The following RAB25 variants were observed in gnomAD, a reference collection of about 807,000 sequenced individuals.
RAB25 encodes the protein ras-related protein Rab-25.
A neutral mutation model predicts 25.2 loss-of-function variants in RAB25; 23 were observed. That is an observed-to-expected ratio of 0.91 (90% CI 0.66 to 1.29). The LOEUF (loss-of-function observed/expected upper bound fraction) is 1.29. Ranked by LOEUF, RAB25 falls within the 50% of genes most tolerant of loss-of-function variation. The pLI is 0.00. For synonymous variants in RAB25, 102 were observed against 111.5 expected (o/e 0.91, Z 0.54); for missense variants, 244 against 277.3 (o/e 0.88, Z 0.85).
chr1:156,061,511 A>G (rs1647580253), intron 1 of RAB25, 68 bp downstream of exon 1: 4 of 1,520,358 alleles, frequency 2.6e-6, no homozygotes, highest in Non-Finnish European at 3.6e-6. Flanking sequence ...AGAGCCAGAG[A>G]GGGCCCCCTC....
chr1:156,068,473 TGCC>T lies in RAB25; in HGVS notation c.433+11_433+13del. The T allele has an allele frequency of 6.2e-7, 1 of 1,609,344 alleles. No homozygotes were observed. The highest frequency in any genetic ancestry group is 1.1e-5 in the South Asian group (1 of 90,888). The stretch of plus-strand genomic sequence containing the variant: ...GCCCGAATGTTCGCTGGTGAGAGCC[TGCC>T]ACTACCCAGGCTGACTCCTCCAAGC... On this transcript the variant is annotated intron_variant, in intron 3 of 4. Transcript: ENST00000361084.
At chr1:156,068,493 C>G in intron 3 of RAB25, 30 bp downstream of exon 3, 1 of 1,600,652 alleles carries the variant, frequency 6.2e-7, no homozygotes, top group Non-Finnish European at 8.5e-7. Flanking sequence ...CAGGCTGACT[C>G]CTCCAAGCTT....
At chr1:156,067,885 T>A (rs557970972) in intron 2 of RAB25, among the ~76,000 whole-genome samples, 4 of 152,306 alleles carry the variant, frequency 2.6e-5, no homozygotes, top group African/African-American at 9.6e-5. Context: ...TCCGAGTAGC[T>A]GGGATTACAA....
Position 156,068,469 on chromosome 1 carries a change from A to G in RAB25, c.433+6A>G. The G allele has an allele frequency of 6.2e-7, 1 of 1,609,746 alleles. No homozygotes were observed. The highest frequency in any genetic ancestry group is 8.5e-7 in the Non-Finnish European group (1 of 1,177,856). ...GGAGGCCCGAATGTTCGCTGGTGAG[A>G]GCCTGCCACTACCCAGGCTGACTCC... On this transcript the variant is annotated splice_donor_region_variant and intron_variant, in intron 3 of 4. Transcript: ENST00000361084.
chr1:156,064,693 G>A (rs566451785), intron 1 of RAB25, among the ~76,000 whole-genome samples: 1 of 152,326 alleles, frequency 6.6e-6, no homozygotes, highest in African/African-American at 2.4e-5. Context: ...GGGATTACAG[G>A]CGTGAACCTC....
intron 4 of RAB25, 145 bp downstream of exon 4, chr1:156,069,896 C>A (rs1647857486): frequency 1.1e-6 from 1 of 877,396 alleles, no homozygotes; most frequent in East Asian, 2.4e-5. Context: ...CCCCCTCAGT[C>A]CCTCCCCAGT....
At chr1:156,062,819 C>A in intron 1 of RAB25, among the ~76,000 whole-genome samples, 1 of 151,878 alleles carries the variant, frequency 6.6e-6, no homozygotes, top group Admixed American at 6.6e-5. Context: ...TTTGGGAGGC[C>A]GAGGCGGCGG....
At chr1:156,068,245 G>A (rs1240327644) in intron 2 of RAB25, 25 bp from the exon 3 acceptor site, 2 of 1,584,452 alleles carry the variant, frequency 1.3e-6, no homozygotes, top group African/African-American at 1.3e-5. Flanking sequence ...TCGTATCTCT[G>A]TCCATCCTTC....
Position 156,068,425 on chromosome 1 carries a change from C to A in RAB25, c.395C>A (p.Ala132Asp), listed in dbSNP as rs1647812077. ...GGTAACAAAAGTGACCTCAGCCAGG[C>A]CCGGGAAGTGCCCACTGAGGAGGCC... ...LVGNKSDLSQ[A>D]REVPTEEARM... Residue 132 changes from alanine (A) to aspartate (D), a missense_variant, in exon 3 of 5, where the codon GCC (alanine) becomes GAC (aspartate). Transcript: ENST00000361084. The A allele has an allele frequency of 6.2e-7, 1 of 1,613,786 alleles. No homozygotes were observed. The highest frequency in any genetic ancestry group is 1.1e-5 in the South Asian group (1 of 91,082).
At chr1:156,066,707 G>A (rs1444877076) in intron 2 of RAB25, among the ~76,000 whole-genome samples, 2 of 152,186 alleles carry the variant, frequency 1.3e-5, no homozygotes, top group African/African-American at 2.4e-5. Flanking sequence ...GGGAGGCCAA[G>A]GTGGGTGGAT....
At chr1:156,068,835 T>C (rs950628699) in intron 3 of RAB25, among the ~76,000 whole-genome samples, 8 of 151,256 alleles carry the variant, frequency 5.3e-5, no homozygotes, top group Non-Finnish European at 1.0e-4. Flanking sequence ...ACTACAGGTG[T>C]GCGCCACCAT....
chr1:156,070,258 G>C lies in RAB25; in HGVS notation c.613G>C (p.Glu205Gln). The part of the protein sequence containing the change: ...AQAGQEPGPG[E>Q]KRACCISL The stretch of plus-strand genomic sequence containing the variant: ...GGCTGGACAGGAGCCTGGCCCTGGG[G>C]AGAAGAGGGCCTGTTGCATCAGCCT... Residue 205 changes from glutamate (E) to glutamine (Q), a missense_variant, in exon 5 of 5, where the codon GAG becomes CAG. Coordinates refer to ENST00000361084, the MANE Select transcript of RAB25 (RefSeq NM_020387.4). The C allele has an allele frequency of 6.2e-7, 1 of 1,614,004 alleles. No homozygotes were observed. Among genetic ancestry groups the C allele is most frequent in the Middle Eastern group, 1.7e-4 (1 of 6,060 alleles).
intron 4 of RAB25, 21 bp from the exon 5 acceptor site, chr1:156,070,139 C>T (rs1647864565): frequency 1.2e-6 from 2 of 1,613,942 alleles, no homozygotes; most frequent in Non-Finnish European, 8.5e-7. Flanking sequence ...CTGGCCTGAT[C>T]ACTGCCCTCT....
chr1:156,067,991 G>A (rs762404463), intron 2 of RAB25, among the ~76,000 whole-genome samples: 1 of 152,170 alleles, frequency 6.6e-6, no homozygotes, highest in Non-Finnish European at 1.5e-5. Flanking sequence ...CACCTCAGGT[G>A]ATCCACCCGC....
intron 2 of RAB25, 56 bp downstream of exon 2, chr1:156,066,162 A>C: frequency 7.6e-7 from 1 of 1,318,868 alleles, no homozygotes; most frequent in Non-Finnish European, 9.9e-7. Context: ...AAGTCGAGGA[A>C]CACTTCTGGA....
intron 3 of RAB25, among the ~76,000 whole-genome samples, chr1:156,069,112 C>T (rs552976317): frequency 6.6e-6 from 1 of 152,222 alleles, no homozygotes; most frequent in East Asian, 1.9e-4. Context: ...GTTCTGGAGT[C>T]CCATGGCCCA....
At chr1:156,062,285 T>A (rs1319121191) in intron 1 of RAB25, among the ~76,000 whole-genome samples, 2 of 152,214 alleles carry the variant, frequency 1.3e-5, no homozygotes, top group African/African-American at 4.8e-5. Flanking sequence ...TGTAGCCTCG[T>A]CTGCCTGGCC....
chr1:156,066,647 G>A (rs1477989288), intron 2 of RAB25, among the ~76,000 whole-genome samples: 1 of 152,128 alleles, frequency 6.6e-6, no homozygotes, highest in Non-Finnish European at 1.5e-5. Context: ...CACATCCGAA[G>A]TGTCTCTTAG....
At position 156,066,114 on chromosome 1, in the gene RAB25, C is replaced by T. The variant is rs768516031; in HGVS notation, c.239+8C>T. On this transcript the variant is annotated splice_region_variant and intron_variant, in intron 2 of 4. Coordinates refer to ENST00000361084, the MANE Select transcript of RAB25 (RefSeq NM_020387.4). ...CCGAGCCATCACCTCGGCGTGAGCC[C>T]GGGCCTGGGGGGCTGCTGGGTGGTG... 8.3e-5 allele frequency: 127 copies of T among 1,538,048 alleles called. No homozygotes were observed. The highest frequency in any genetic ancestry group is 6.0e-4 in the South Asian group (50 of 83,176).
Sources: allele counts gnomAD v4.1 joint callset (sites outside exome capture counted in the v4.1 genomes callset), GRCh38; gene constraint gnomAD v4.1.1; transcripts MANE v1.5; gene names NCBI Gene and HGNC (gene_info 2026-07-23, HGNC 2026-07-21).